The following SCAF8 variants were observed in gnomAD, a reference collection of about 807,000 sequenced individuals.
SCAF8 encodes SR-related and CTD-associated factor 8.
In SCAF8, 23 loss-of-function variants were observed where a neutral mutation model predicts 140.5. That is an observed-to-expected ratio of 0.16 (90% CI 0.12 to 0.23). The LOEUF (loss-of-function observed/expected upper bound fraction) is 0.23, where lower values mean the gene tolerates loss of function less well. SCAF8 is among the 10% of genes least tolerant of loss of function. The pLI is 1.00. For synonymous variants in SCAF8, 575 were observed against 528.9 expected, an observed-to-expected ratio of 1.09 and a Z score of -1.20; for missense variants, 1,397 against 1,555.7, an observed-to-expected ratio of 0.90 and a Z score of 1.72.
intron 1 of SCAF8, among the ~76,000 whole-genome samples, chr6:154,773,253 A>G (rs1583022102): frequency 6.6e-6 from 1 of 152,312 alleles, no homozygotes; most frequent in East Asian, 1.9e-4. Flanking sequence ...GCCCTAGACA[A>G]CCACCAATAG....
intron 6 of SCAF8, among the ~76,000 whole-genome samples, chr6:154,800,744 G>T (rs995091630): frequency 6.6e-6 from 1 of 151,392 alleles, no homozygotes; most frequent in Non-Finnish European, 1.5e-5. Context: ...TTAAAAAACC[G>T]ATGTGTACTC....
At chr6:154,747,238 A>G (rs1033095237) in intron 1 of SCAF8, among the ~76,000 whole-genome samples, 3 of 152,000 alleles carry the variant, frequency 2.0e-5, no homozygotes, top group African/African-American at 7.3e-5. Context: ...CGTGCGGCTG[A>G]GTGTGGTGGT....
chr6:154,758,088 T>G (rs927422226), intron 1 of SCAF8, among the ~76,000 whole-genome samples: 1 of 152,018 alleles, frequency 6.6e-6, no homozygotes, highest in Non-Finnish European at 1.5e-5. Context: ...TTTTTTGTAT[T>G]TTTGGTAAAG....
At chr6:154,793,839 A>T (rs112147420) in intron 5 of SCAF8, among the ~76,000 whole-genome samples, 2,118 of 142,296 alleles carry the variant, frequency 0.015, 46 homozygotes, top group African/African-American at 0.053. Context: ...AAAAAAAAAA[A>T]TTTTTTTAAA....
chr6:154,734,421 G>A (rs1296192858), intron 1 of SCAF8, among the ~76,000 whole-genome samples: 1 of 152,024 alleles, frequency 6.6e-6, no homozygotes, highest in Non-Finnish European at 1.5e-5. Flanking sequence ...TACACGTAGT[G>A]TTTATAATTG....
chr6:154,791,031 A>T (rs1189612952), intron 4 of SCAF8, among the ~76,000 whole-genome samples: 1 of 152,208 alleles, frequency 6.6e-6, no homozygotes, highest in African/African-American at 2.4e-5. Flanking sequence ...TTACTCTGAC[A>T]TAAGTGTTCT....
intron 12 of SCAF8, among the ~76,000 whole-genome samples, chr6:154,814,218 G>T (rs533582055): frequency 6.6e-6 from 1 of 152,146 alleles, no homozygotes; most frequent in Non-Finnish European, 1.5e-5. Flanking sequence ...CCAGTTACTC[G>T]CGAGGCTGAG....
intron 1 of SCAF8, among the ~76,000 whole-genome samples, chr6:154,748,343 G>A (rs1003057055): frequency 2.6e-5 from 4 of 152,196 alleles, no homozygotes; most frequent in African/African-American, 9.6e-5. Context: ...AAAGTTGGGA[G>A]CCGCTGTGGA....
chr6:154,827,212 C>A lies in SCAF8; in HGVS notation c.2112C>A (p.Pro704=). 5 of 1,604,876 alleles carry A rather than the reference C, an allele frequency of 3.1e-6. No homozygotes were observed. The highest frequency in any genetic ancestry group is 2.6e-6 in the Non-Finnish European group (3 of 1,176,184). The change falls in exon 18 of 20, where the codon CCC becomes CCA. Residue 704 remains proline (P), a synonymous_variant. Coordinates refer to ENST00000367178, the MANE Select transcript of SCAF8 (RefSeq NM_014892.5). ...CAGTTCCCCCACCTGTTGTGCCACCCCCTACGATTCCACCAGTAGTACCAA... is the reference window on the plus strand; with the variant it reads ...CAGTTCCCCCACCTGTTGTGCCACCACCTACGATTCCACCAGTAGTACCAA... The part of the protein sequence containing the change: ...PPPVPPPVVP[P]PTIPPVVPTS...
At position 154,794,786 on chromosome 6, in the gene SCAF8, T is replaced by G. The variant is rs1231103725; in HGVS notation, c.476-223T>G. ...GGGGGGGGGGGGTGTGGGGGGTGTG[T>G]GTGTGTGTGTGTGTGTGTGTGTGTG... On this transcript the variant is annotated intron_variant, in intron 5 of 19. Coordinates refer to ENST00000367178, the MANE Select transcript of SCAF8 (RefSeq NM_014892.5). 1.1e-3 allele frequency among the ~76,000 whole-genome samples: 25 copies of G among 21,848 alleles called. 1 individual carries two copies. The highest frequency in any genetic ancestry group is 6.7e-3 in the East Asian group (1 of 150). 14.3% of individuals were successfully genotyped at this position (21,848 alleles called of 152,430 possible).
At chr6:154,790,552 C>T (rs1777388161) in intron 4 of SCAF8, among the ~76,000 whole-genome samples, 1 of 112,436 alleles carries the variant, frequency 8.9e-6, no homozygotes, top group Non-Finnish European at 1.7e-5. Flanking sequence ...GCTCTGTTGC[C>T]CAGGCTGGAG....
chr6:154,822,406 G>A lies in SCAF8; in HGVS notation c.1923G>A (p.Leu641=), dbSNP rs770548552. 2.5e-6 allele frequency: 4 copies of A among 1,607,962 alleles called. No homozygotes were observed. The African/African-American group carries it at 4.0e-5, about 16-fold the overall frequency. ...AEVFPPPVAM[L]QIPVAPAVPT... is the part of the protein sequence containing the mutation. ...TTTTCCCTCCTCCTGTTGCTATGTT[G>A]CAGGTTAGTGTTGAAGTGGGGTTTT... The change falls in exon 16 of 20, where the codon TTG becomes TTA. Residue 641 remains leucine (L), a synonymous_variant. Coordinates refer to ENST00000367178, the MANE Select transcript of SCAF8 (RefSeq NM_014892.5).
In SCAF8 at chr6:154,802,043, G is replaced by A. The variant is rs1460219483; in HGVS notation, c.679G>A (p.Ala227Thr). ...GCCTTCCATTCTGCAGGCCCTAGAT[G>A]CTGGTCTTGTTGTTCAGTTGCAAGC... ...PQPSILQALD[A>T]GLVVQLQALT... The change falls in exon 7 of 20, where the codon GCT (alanine) becomes ACT (threonine). Residue 227 changes from alanine to threonine, a missense_variant. By Grantham distance (58) the Ala-to-Thr change is moderately conservative. This residue lies in a region of SCAF8 where 339 missense variants were observed against 407.5 expected (regional missense o/e 0.83). Coordinates refer to ENST00000367178, the MANE Select transcript of SCAF8 (RefSeq NM_014892.5). The A allele has an allele frequency of 1.2e-6, 2 of 1,613,106 alleles. No individual in the cohort carries two copies. The highest frequency in any genetic ancestry group is 1.1e-5 in the South Asian group (1 of 90,972).
intron 15 of SCAF8, among the ~76,000 whole-genome samples, chr6:154,820,989 A>G (rs912771993): frequency 1.3e-5 from 2 of 152,228 alleles, no homozygotes; most frequent in African/African-American, 4.8e-5. Context: ...GCTAATTTTC[A>G]GAATATTTGT....
chr6:154,771,506 T>G (rs1302355402), intron 1 of SCAF8, among the ~76,000 whole-genome samples: 3 of 152,208 alleles, frequency 2.0e-5, no homozygotes, highest in African/African-American at 7.2e-5. Flanking sequence ...TATACAGGTT[T>G]TTTTGTATTT....
intron 1 of SCAF8, among the ~76,000 whole-genome samples, chr6:154,758,209 G>T (rs1217417060): frequency 1.3e-5 from 2 of 152,102 alleles, no homozygotes; most frequent in Non-Finnish European, 2.9e-5. Flanking sequence ...ACCGTGCCTG[G>T]CCAAGTTTCA....
chr6:154,780,313 G>C (rs1777049250), intron 3 of SCAF8, among the ~76,000 whole-genome samples: 1 of 149,112 alleles, frequency 6.7e-6, no homozygotes, highest in Admixed American at 6.7e-5. Context: ...TAATTCTTTT[G>C]AGATCTAACC....
chr6:154,816,471 T>C (rs1287117981), intron 13 of SCAF8, among the ~76,000 whole-genome samples: 1 of 151,680 alleles, frequency 6.6e-6, no homozygotes, highest in East Asian at 1.9e-4. Flanking sequence ...CAGACATCTT[T>C]GGTTAGCTAT....
Position 154,803,679 on chromosome 6 carries a change from T to G in SCAF8, c.863+56T>G, listed in dbSNP as rs1777834507. Reference sequence around the variant, plus strand: ...TTTTATATTTAGTGGGATGTTGCCATCTGAATTACTAAGTATACTTAGTAA... The same window carrying G: ...TTTTATATTTAGTGGGATGTTGCCAGCTGAATTACTAAGTATACTTAGTAA... On this transcript the variant is annotated intron_variant, in intron 8 of 19. Coordinates refer to ENST00000367178, the MANE Select transcript of SCAF8 (RefSeq NM_014892.5). The G allele has an allele frequency of 5.9e-6, 6 of 1,023,630 alleles. No individual in the cohort carries two copies. In the South Asian group the frequency reaches 8.1e-5, roughly 14 times the overall value. The allele number at this position is 1,023,630 out of a possible 1,614,324, so 63.4% of individuals were successfully genotyped here. A position where few individuals can be genotyped will look rare whatever the true frequency, so the allele number is the denominator to read the frequency against.
Sources: gnomAD v4.1 joint callset for allele counts (sites outside exome capture counted in the v4.1 genomes callset) on GRCh38, gnomAD v4.1.1 for gene constraint, gnomAD v4.1.1 regional missense constraint, MANE v1.5 for transcripts, NCBI Gene and HGNC (gene_info 2026-07-23, HGNC 2026-07-21) for gene names.